The following TNPO2 variants were observed in gnomAD, a reference collection of about 807,000 sequenced individuals.
TNPO2 encodes transportin-2.
In TNPO2, 16 loss-of-function variants were observed where a neutral mutation model predicts 111.1. The observed-to-expected ratio is 0.14, with a 90% CI of 0.10 to 0.22. The LOEUF is 0.22. Ranked by LOEUF, TNPO2 falls within the 10% of genes least tolerant of loss-of-function variation. TNPO2 has a pLI of 1.00. For synonymous variants in TNPO2, 481 were observed against 475.8 expected, an observed-to-expected ratio of 1.01 and a Z score of -0.14; for missense variants, 530 against 1,173.7, an observed-to-expected ratio of 0.45 and a Z score of 8.01.
intron 5 of TNPO2, among the ~76,000 whole-genome samples, chr19:12,717,014 A>C (rs2026397993): frequency 1.3e-5 from 2 of 152,168 alleles, no homozygotes; most frequent in African/African-American, 4.8e-5. Flanking sequence ...GACAGTGCAC[A>C]TATCTGGTGA....
At chr19:12,713,516 TAAAC>T (rs142166160) in intron 10 of TNPO2, among the ~76,000 whole-genome samples, 16,441 of 145,500 alleles carry the variant, frequency 0.11, 2,590 homozygotes, top group African/African-American at 0.37. Context: ...AATAAATAAA[TAAAC>T]ATACAATATG....
chr19:12,710,706 T>C lies in TNPO2; in HGVS notation c.1185A>G (p.Leu395=). Residue 395 remains leucine (L), a synonymous_variant, in exon 13 of 26, where the codon CTA becomes CTG. Coordinates refer to ENST00000425528, the MANE Select transcript of TNPO2 (RefSeq NM_001382241.1). ...AGAGGAGGCCTTTGAGTAGTGGGAG[T>C]AGGTGGGGCAGCAGTTCCTCCCGGA... The part of the protein sequence containing the change: ...NVFREELLPH[L]LPLLKGLLFH... 1 of 1,612,776 alleles carries C rather than the reference T, an allele frequency of 6.2e-7. No homozygotes were observed. The highest frequency in any genetic ancestry group is 8.5e-7 in the Non-Finnish European group (1 of 1,179,532).
Position 12,706,848 on chromosome 19 carries a change from C to G in TNPO2, c.1271-53G>C. 1 of 1,447,160 alleles carries G rather than the reference C, an allele frequency of 6.9e-7. No homozygotes were observed. The highest frequency in any genetic ancestry group is 9.5e-7 in the Non-Finnish European group (1 of 1,052,296). The allele number at this position is 1,447,160 out of a possible 1,614,324, so 89.6% of individuals were successfully genotyped here. A position where few individuals can be genotyped will look rare whatever the true frequency, so the allele number is the denominator to read the frequency against. On this transcript the variant is annotated intron_variant, in intron 13 of 25. Transcript: ENST00000425528. This position sits in a 1 kb window ranked among gnomAD's most constrained non-coding sequence, Gnocchi z 7.0. ...CAGTTTGATTGGGCCCAGCCACACC[C>G]ACCGTATGGAGAGAAGAGTCAGCCG...
At chr19:12,720,646 G>T (rs188877314) in intron 3 of TNPO2, among the ~76,000 whole-genome samples, 346 of 152,312 alleles carry the variant, frequency 2.3e-3, no homozygotes, top group South Asian at 4.8e-3. Flanking sequence ...AGTTAATGGA[G>T]TAGATGCTAG....
chr19:12,704,002 C>T (rs568889962), intron 18 of TNPO2, among the ~76,000 whole-genome samples: 301 of 152,224 alleles, frequency 2.0e-3, no homozygotes, highest in African/African-American at 7.0e-3. Flanking sequence ...CCTCAGTGTC[C>T]GTGGGGGATT....
At chr19:12,722,586 G>GAAAAAAAAAAAAAAAAAAAAAAAAAAC (rs1967067488) in intron 2 of TNPO2, 1 of 113,118 alleles carries the variant, frequency 8.8e-6, no homozygotes, top group Non-Finnish European at 1.8e-5. Context: ...AAAAAAAAAA[G>GAAAAAAAAAAAAAAAAAAAAAAAAAAC]AAAGAAAGAA....
chr19:12,708,493 T>C (rs1320779213), intron 13 of TNPO2, among the ~76,000 whole-genome samples: 1 of 150,416 alleles, frequency 6.6e-6, no homozygotes, highest in Non-Finnish European at 1.5e-5. Flanking sequence ...ACAAAGATAA[T>C]AGCACATTGC....
In TNPO2 at chr19:12,706,753, G is replaced by A. The variant is rs2025693153; in HGVS notation, c.1313C>T (p.Pro438Leu). ...GMVPYLPELIPHLIQCLSDKK... is the reference protein window; with the variant it reads ...GMVPYLPELILHLIQCLSDKK... The stretch of plus-strand genomic sequence containing the variant: ...ATCCGACAGGCACTGGATCAGGTGC[G>A]GGATCAGCTCAGGCAGGTAGGGCAC... The change falls in exon 14 of 26, where the codon CCG (proline) becomes CTG (leucine). Residue 438 changes from proline to leucine, a missense_variant. This residue lies in a region of TNPO2 where 183 missense variants were observed against 481.0 expected (regional missense o/e 0.38). Coordinates refer to ENST00000425528, the MANE Select transcript of TNPO2 (RefSeq NM_001382241.1). This position sits in a 1 kb window ranked among gnomAD's most constrained non-coding sequence, Gnocchi z 7.0. 4 of 1,612,746 alleles carry A rather than the reference G, an allele frequency of 2.5e-6. No individual in the cohort carries two copies. The highest frequency in any genetic ancestry group is 1.3e-5 in the African/African-American group (1 of 74,860).
In TNPO2 at chr19:12,703,507, C is replaced by G. The variant is rs2025449875; in HGVS notation, c.2130G>C (p.Leu710=). Residue 710 remains leucine, a synonymous_variant, in exon 20 of 26, where the codon CTG becomes CTC. Coordinates refer to ENST00000425528, the MANE Select transcript of TNPO2 (RefSeq NM_001382241.1). ...KPCIAEFMPI[L]GTNLNPEFIS... is the part of the protein sequence containing the mutation. ...TGAACTCTGGGTTCAGGTTGGTGCC[C>G]AGAATGGGCATGAACTCGGCTGGTG... The G allele has an allele frequency of 1.2e-6, 2 of 1,614,012 alleles. No homozygotes were observed. The highest frequency in any genetic ancestry group is 2.7e-5 in the African/African-American group (2 of 75,052).
chr19:12,703,597 G>A (rs2025456949), intron 19 of TNPO2, 71 bp from the exon 20 acceptor site: 2 of 1,566,238 alleles, frequency 1.3e-6, no homozygotes, highest in East Asian at 2.2e-5. Context: ...AGTCCAGCAG[G>A]CCCCATCAGA....
intron 13 of TNPO2, among the ~76,000 whole-genome samples, chr19:12,707,980 G>A (rs891813627): frequency 6.6e-6 from 1 of 151,904 alleles, no homozygotes; most frequent in Non-Finnish European, 1.5e-5. Context: ...GCCACCACGT[G>A]TGGCTAATTT....
rs903438695 is a variant in TNPO2, at chr19:12,700,718, A to G, written c.*546T>C. 8 of 147,846 alleles carry G rather than the reference A, an allele frequency of 5.4e-5. No individual in the cohort carries two copies. Among genetic ancestry groups the G allele is most frequent in the African/African-American group, 2.0e-4 (8 of 39,824 alleles). 9.2% of individuals were successfully genotyped at this position (147,846 alleles called of 1,614,324 possible). Reference sequence around the variant, plus strand: ...ACAGCAGAAGCTTCTTAAACTCTAGATGCAGGTTACACGGAAGGCCTTACG... The same window carrying G: ...ACAGCAGAAGCTTCTTAAACTCTAGGTGCAGGTTACACGGAAGGCCTTACG... On this transcript the variant is annotated 3_prime_UTR_variant, in exon 26 of 26. Transcript: ENST00000425528.
At chr19:12,716,135 C>T (rs1382312332) in intron 5 of TNPO2, among the ~76,000 whole-genome samples, 1 of 152,206 alleles carries the variant, frequency 6.6e-6, no homozygotes, top group African/African-American at 2.4e-5. Context: ...CCTCCAAAAG[C>T]ACTGAGATTA....
Position 12,715,800 on chromosome 19 carries a change from C to G in TNPO2, c.326-61G>C, listed in dbSNP as rs372211922. On this transcript the variant is annotated intron_variant, in intron 5 of 25. Coordinates refer to ENST00000425528, the MANE Select transcript of TNPO2 (RefSeq NM_001382241.1). The surrounding 1 kb of genome is among the most constrained non-coding windows in gnomAD (Gnocchi z 7.1). ...GGCAGGGGCTGCCTAGCACCTCCCC[C>G]TCCCACTGGACACCCCCAGTGCTGC... The G allele has an allele frequency of 1.4e-5, 19 of 1,356,532 alleles. No homozygotes were observed. The highest frequency in any genetic ancestry group is 3.6e-4 in the Middle Eastern group (2 of 5,564). 84.0% of individuals were successfully genotyped at this position (1,356,532 alleles called of 1,614,324 possible).
chr19:12,701,727 G>GC lies in TNPO2; in HGVS notation c.2511+24dup, dbSNP rs1467392121. 6.2e-7 allele frequency: 1 copy of GC among 1,612,908 alleles called. No individual in the cohort carries two copies. The highest frequency in any genetic ancestry group is 1.3e-5 in the African/African-American group (1 of 74,912). ...CCGCCCGAGCCCAGCGCCCGCGCCT[G>GC]CCCTCAGAGCCCAGCTGCCCCAACC... On this transcript the variant is annotated intron_variant, in intron 23 of 25. Coordinates refer to ENST00000425528, the MANE Select transcript of TNPO2 (RefSeq NM_001382241.1). The surrounding 1 kb of genome is among the most constrained non-coding windows in gnomAD (Gnocchi z 5.0).
rs779382587 is a variant in TNPO2, at chr19:12,705,197, C to T, written c.2022+43G>A. 40 of 1,567,832 alleles carry T rather than the reference C, an allele frequency of 2.6e-5. No individual in the cohort carries two copies. The highest frequency in any genetic ancestry group is 4.4e-4 in the Middle Eastern group (2 of 4,514). ...CTGACTCCCCACCAGGGGCAGCCCA[C>T]GCAGGCTGCTGGGTGTCATCACTGT... On this transcript the variant is annotated intron_variant, in intron 18 of 25. Transcript: ENST00000425528. The surrounding 1 kb of genome is among the most constrained non-coding windows in gnomAD (Gnocchi z 7.2).
chr19:12,701,761 G>C lies in TNPO2; in HGVS notation c.2502C>G (p.Gly834=). 1 of 1,613,608 alleles carries C rather than the reference G, an allele frequency of 6.2e-7. No individual in the cohort carries two copies. ...GCCCAGCTGCCCCAACCTGCACAAC[G>C]CCCCCCGGGTTGACACCGATCATCA... ...ICMMIGVNPG[G]VVQDFIFFCD... The change falls in exon 23 of 26, where the codon GGC becomes GGG. Residue 834 remains glycine (G), a synonymous_variant. Transcript: ENST00000425528. The surrounding 1 kb of genome is among the most constrained non-coding windows in gnomAD (Gnocchi z 5.0).
rs35251364 is a variant in TNPO2, at chr19:12,711,866, GT to G, written c.891-254del. ...ATACCACTCCTGCCTCCAGAGAAAG[GT>G]TTTTTTTTTTTTTTCTTAAGAAGCA... is the stretch of plus-strand genomic sequence containing the variant. On this transcript the variant is annotated intron_variant, in intron 10 of 25. Coordinates refer to ENST00000425528, the MANE Select transcript of TNPO2 (RefSeq NM_001382241.1). 8.6e-3 allele frequency among the ~76,000 whole-genome samples: 1,231 copies of G among 142,500 alleles called. 6 individuals carry two copies. Among genetic ancestry groups the G allele is most frequent in the Non-Finnish European group, 0.014 (924 of 64,924 alleles). The allele number at this position is 142,500 out of a possible 152,430, so 93.5% of individuals were successfully genotyped here. A position where few individuals can be genotyped will look rare whatever the true frequency, so the allele number is the denominator to read the frequency against.
At position 12,703,443 on chromosome 19, in the gene TNPO2, T is replaced by G. The variant is rs2025447226; in HGVS notation, c.2194A>C (p.Ile732Leu). ...CNNATWAIGE[I>L]CMQMGAEMQP... is the part of the protein sequence containing the mutation. ...GGGCACTCACCCATCTGCATGCAGA[T>G]TTCACCAATGGCCCAGGTGGCGTTG... Residue 732 changes from isoleucine (I) to leucine (L), a missense_variant, in exon 20 of 26, where the codon ATC (isoleucine) becomes CTC (leucine). Ile to Leu is a conservative substitution (Grantham distance 5). Transcript: ENST00000425528. 2.5e-6 allele frequency: 4 copies of G among 1,613,900 alleles called. No homozygotes were observed. Among genetic ancestry groups the G allele is most frequent in the Non-Finnish European group, 3.4e-6 (4 of 1,179,860 alleles).
Sources: gnomAD v4.1 joint callset for allele counts (sites outside exome capture counted in the v4.1 genomes callset) on GRCh38, gnomAD v4.1.1 for gene constraint, gnomAD v4.1.1 regional missense constraint, Gnocchi (gnomAD v3.1) non-coding constraint, MANE v1.5 for transcripts, NCBI Gene and HGNC (gene_info 2026-07-23, HGNC 2026-07-21) for gene names.